The following MVP variants were observed in gnomAD, a reference collection of about 807,000 sequenced individuals.
The protein encoded by MVP is lung resistance-related protein.
Under a neutral mutation model 83.5 loss-of-function variants are expected in MVP, and 62 were observed. The ratio of observed to expected loss-of-function variants is 0.74; its 90% CI spans 0.61 to 0.92. The LOEUF (loss-of-function observed/expected upper bound fraction) is 0.92, where lower values mean the gene tolerates loss of function less well. MVP is among the 40% of genes least tolerant of loss of function. MVP has a pLI of 0.00. For missense variants in MVP, 1,000 were observed against 1,203.4 expected (o/e 0.83, Z 2.50); for synonymous variants, 505 against 504.1 (o/e 1.00, Z -0.02).
chr16:29,842,244 C>A, intron 10 of MVP, 132 bp downstream of exon 10: 1 of 899,260 alleles, frequency 1.1e-6, no homozygotes. Context: ...ATACTCCAGC[C>A]TGGGTGACAG....
At chr16:29,837,709 G>A (rs1178044875) in intron 7 of MVP, among the ~76,000 whole-genome samples, 4 of 151,786 alleles carry the variant, frequency 2.6e-5, no homozygotes, top group East Asian at 3.9e-4. Context: ...AGCCGAGATC[G>A]TGCCACTGCA....
intron 5 of MVP, 81 bp downstream of exon 5, chr16:29,834,147 G>C (rs1158780851): frequency 3.9e-6 from 6 of 1,542,720 alleles, no homozygotes; most frequent in Non-Finnish European, 5.3e-6. Context: ...GTTGAGGAAA[G>C]CCTCCTGTAG....
In MVP at chr16:29,841,856, G is replaced by A. The variant is rs547699464; in HGVS notation, c.1436+16G>A. ...AGCGAGCCCGGTGAGTGCTGGCAGC[G>A]CAGGGTGTAGGGGGTGGCTCTCCAT... On this transcript the variant is annotated intron_variant, in intron 9 of 14. Coordinates refer to ENST00000357402, the MANE Select transcript of MVP (RefSeq NM_005115.5). This position sits in a 1 kb window ranked among gnomAD's most constrained non-coding sequence, Gnocchi z 4.7. 5.6e-6 allele frequency: 9 copies of A among 1,608,810 alleles called. No homozygotes were observed. The Admixed American group carries it at 1.0e-4, about 18-fold the overall frequency.
In MVP at chr16:29,844,773, GA is replaced by G. The variant is rs773345876; in HGVS notation, c.1916del (p.Asp639AlafsTer74). The G allele has an allele frequency of 1.9e-6, 3 of 1,611,246 alleles. No homozygotes were observed. Among genetic ancestry groups the G allele is most frequent in the Middle Eastern group, 1.7e-4 (1 of 6,060 alleles). On this transcript the variant is annotated frameshift_variant, in exon 11 of 15. Coordinates refer to ENST00000357402, the MANE Select transcript of MVP (RefSeq NM_005115.5). LOFTEE classifies it high-confidence loss of function. Reference sequence around the variant, plus strand: ...AAACGGGCTGGTGGTCAGCAGTGTGGACGTGCAGTCAGTGGAGCCTGTGGAT... The same window carrying G: ...AAACGGGCTGGTGGTCAGCAGTGTGGCGTGCAGTCAGTGGAGCCTGTGGAT... ...PQNGLVVSSV[D>X]VQSVEPVDQR...
chr16:29,846,686 C>T (rs981920196), intron 13 of MVP, among the ~76,000 whole-genome samples: 11 of 152,120 alleles, frequency 7.2e-5, no homozygotes, highest in African/African-American at 2.7e-4. Flanking sequence ...GGTGAAACCC[C>T]ATCTCTACTG....
intron 11 of MVP, 113 bp from the exon 12 acceptor site, chr16:29,845,750 T>TAGAA: frequency 1.2e-6 from 1 of 824,036 alleles, no homozygotes; most frequent in Non-Finnish European, 1.9e-6. Flanking sequence ...GGGTGCCTTC[T>TAGAA]AGGGGCTGGG....
intron 13 of MVP, among the ~76,000 whole-genome samples, chr16:29,846,946 G>A (rs1330697000): frequency 1.3e-5 from 2 of 152,166 alleles, no homozygotes; most frequent in African/African-American, 4.8e-5. Flanking sequence ...GGAAAGCTGA[G>A]ATGGGAGGAT....
chr16:29,847,459 A>C, intron 14 of MVP, 74 bp downstream of exon 14: 1 of 1,404,180 alleles, frequency 7.1e-7, no homozygotes. Context: ...GGCGGAAAAC[A>C]CAACATCTGG....
rs533903115 is a variant in MVP, at chr16:29,825,443, C to T, written c.-36+4933C>T. 2.0e-5 allele frequency among the ~76,000 whole-genome samples: 3 copies of T among 152,354 alleles called. No homozygotes were observed. In the East Asian group the frequency reaches 5.8e-4, roughly 29 times the overall value. ...GGAAGGAAACCACAAAAAACTCAAT[C>T]TGAGACTTGTCACCAATGTGCTGCC... On this transcript the variant is annotated intron_variant, in intron 1 of 14. Coordinates refer to ENST00000357402, the MANE Select transcript of MVP (RefSeq NM_005115.5).
chr16:29,827,692 T>TTGCTTGAGCCCAGGAG (rs2067413980), intron 1 of MVP, among the ~76,000 whole-genome samples: 1 of 152,098 alleles, frequency 6.6e-6, no homozygotes, highest in African/African-American at 2.4e-5. Context: ...AGCGGGAGGA[T>TTGCTTGAGCCCAGGAG]TGCTTGAGCC....
chr16:29,840,139 C>G (rs377498544), intron 7 of MVP, 39 bp from the exon 8 acceptor site: 13 of 1,558,090 alleles, frequency 8.3e-6, no homozygotes, highest in Non-Finnish European at 1.1e-5. Flanking sequence ...CACCCGCAAC[C>G]CTAAAGGCAC....
chr16:29,841,753 C>T lies in MVP; in HGVS notation c.1349C>T (p.Ala450Val), dbSNP rs541296428. Residue 450 changes from alanine to valine, a missense_variant, in exon 9 of 15, where the codon GCG becomes GTG. Ala to Val is a moderately conservative substitution (Grantham distance 64, BLOSUM62 0). Transcript: ENST00000357402. This position sits in a 1 kb window ranked among gnomAD's most constrained non-coding sequence, Gnocchi z 4.7. ...ACAGCTAAGAGCCTCCAGCCCTTGG[C>T]GCCCCGGAACAAGACCCGTGTGGTC... ...KDTAKSLQPL[A>V]PRNKTRVVSY... 71 of 1,613,322 alleles carry T rather than the reference C, an allele frequency of 4.4e-5. No homozygotes were observed. The highest frequency in any genetic ancestry group is 5.2e-5 in the Non-Finnish European group (61 of 1,179,818).
intron 10 of MVP, 46 bp downstream of exon 10, chr16:29,842,158 C>T: frequency 6.5e-7 from 1 of 1,539,966 alleles, no homozygotes; most frequent in South Asian, 1.2e-5. Context: ...GGAATCCCAG[C>T]ACTTTGGGAG....
At chr16:29,839,229 T>C (rs1186017028) in intron 7 of MVP, among the ~76,000 whole-genome samples, 1 of 152,108 alleles carries the variant, frequency 6.6e-6, no homozygotes, top group Non-Finnish European at 1.5e-5. Context: ...AAAGACCACA[T>C]ATTGCATGAT....
intron 1 of MVP, among the ~76,000 whole-genome samples, chr16:29,826,383 G>C (rs2067404751): frequency 6.6e-6 from 1 of 152,198 alleles, no homozygotes; most frequent in Non-Finnish European, 1.5e-5. Context: ...TGTAGTCCCA[G>C]TGCTTTGGGA....
chr16:29,834,040 A>G lies in MVP; in HGVS notation c.551A>G (p.Asp184Gly). ...CTCAGGGCCCGCAAGGAGTGCTGGG[A>G]CCGGGACGGCAAGGAGAGGGTGACA... ...LRLRARKECW[D>G]RDGKERVTGE... The change falls in exon 5 of 15, where the codon GAC (aspartate) becomes GGC (glycine). Residue 184 changes from aspartate (D) to glycine (G), a missense_variant. By Grantham distance (94) the Asp-to-Gly change is moderately conservative (BLOSUM62 -1). Coordinates refer to ENST00000357402, the MANE Select transcript of MVP (RefSeq NM_005115.5). 2 of 1,613,886 alleles carry G rather than the reference A, an allele frequency of 1.2e-6. No individual in the cohort carries two copies. The highest frequency in any genetic ancestry group is 1.1e-5 in the South Asian group (1 of 91,042).
chr16:29,820,638 A>T (rs978778961), intron 1 of MVP, 128 bp downstream of exon 1: 1 of 152,260 alleles, frequency 6.6e-6, no homozygotes, highest in Non-Finnish European at 1.5e-5. Context: ...AACATGTCTG[A>T]ATCAGAGTGG....
At position 29,830,982 on chromosome 16, in the gene MVP, T is replaced by C; in HGVS notation, c.230T>C (p.Val77Ala). The change falls in exon 3 of 15, where the codon GTC becomes GCC. Residue 77 changes from valine to alanine, a missense_variant. Val to Ala is a moderately conservative substitution (Grantham distance 64). Transcript: ENST00000357402. ...RDAQGLVLFD[V>A]TGQVRLRHAD... ...GCCCAGGGCTTGGTGCTGTTTGATGTCACAGGGCAAGTTCGGCTTCGCCAC... is the reference window on the plus strand; with the variant it reads ...GCCCAGGGCTTGGTGCTGTTTGATGCCACAGGGCAAGTTCGGCTTCGCCAC... 6.2e-7 allele frequency: 1 copy of C among 1,614,018 alleles called. No homozygotes were observed. The highest frequency in any genetic ancestry group is 8.5e-7 in the Non-Finnish European group (1 of 1,179,990).
Position 29,845,565 on chromosome 16 carries a change from C to T in MVP, c.2022-298C>T, listed in dbSNP as rs185900197. Reference sequence around the variant, plus strand: ...TTCTTTCTCTCACAGCTGAATAGCACCCTCTTTGCCTGGTCTCTCCCACAC... The same window carrying T: ...TTCTTTCTCTCACAGCTGAATAGCATCCTCTTTGCCTGGTCTCTCCCACAC... On this transcript the variant is annotated intron_variant, in intron 11 of 14. Coordinates refer to ENST00000357402, the MANE Select transcript of MVP (RefSeq NM_005115.5). Among the ~76,000 whole-genome samples, 3 of 152,322 alleles carry T rather than the reference C, an allele frequency of 2.0e-5. No individual in the cohort carries two copies. The East Asian group carries it at 5.8e-4, about 29-fold the overall frequency.
Sources: gnomAD v4.1 joint callset for allele counts (sites outside exome capture counted in the v4.1 genomes callset) on GRCh38, gnomAD v4.1.1 for gene constraint, Gnocchi (gnomAD v3.1) non-coding constraint, MANE v1.5 for transcripts, NCBI Gene and HGNC (gene_info 2026-07-23, HGNC 2026-07-21) for gene names.